Variants in HNMT observed in about 807,000 individuals in gnomAD.
The protein encoded by HNMT is histamine N-methyltransferase.
In HNMT, 30 loss-of-function variants were observed where a neutral mutation model predicts 32.1. The observed-to-expected ratio is 0.93, with a 90% CI of 0.70 to 1.27. The LOEUF (loss-of-function observed/expected upper bound fraction) is 1.27, where lower values mean the gene tolerates loss of function less well. Among genes scored for constraint, HNMT ranks in the 50% most tolerant of loss-of-function variants. The probability of loss-of-function intolerance (pLI) is 0.00; values close to 1 mark genes in which losing one functional copy is unlikely to be tolerated. For synonymous variants in HNMT, 125 were observed against 119.0 expected (o/e 1.05, Z -0.33); for missense variants, 327 against 346.0 (o/e 0.95, Z 0.43).
chr2:137,971,721 A>G (rs1027646777), intron 2 of HNMT, among the ~76,000 whole-genome samples: 2 of 152,174 alleles, frequency 1.3e-5, no homozygotes, highest in African/African-American at 4.8e-5. Flanking sequence ...GCTCCTGGAG[A>G]GTGAAGGCTA....
chr2:137,966,603 A>G (rs934812571), intron 1 of HNMT, among the ~76,000 whole-genome samples: 1 of 152,154 alleles, frequency 6.6e-6, no homozygotes, highest in Non-Finnish European at 1.5e-5. Context: ...TGTTCTCCCT[A>G]GAGTTGACTA....
intron 2 of HNMT, among the ~76,000 whole-genome samples, chr2:137,989,352 G>A (rs74393890): frequency 4.4e-4 from 67 of 152,174 alleles, no homozygotes; most frequent in African/African-American, 1.3e-3. Context: ...TATTGGCTCC[G>A]TTCAGATAGT....
intron 2 of HNMT, among the ~76,000 whole-genome samples, chr2:138,000,462 C>A (rs1681131905): frequency 7.2e-6 from 1 of 138,234 alleles, no homozygotes; most frequent in African/African-American, 2.9e-5. Context: ...TTTATTTAAT[C>A]TGACATTTTT....
chr2:137,968,509 T>C (rs1680027221), intron 1 of HNMT, among the ~76,000 whole-genome samples: 1 of 152,236 alleles, frequency 6.6e-6, no homozygotes, highest in Admixed American at 6.5e-5. Flanking sequence ...GAAACAGTTA[T>C]TAATAATCCT....
intron 1 of HNMT, among the ~76,000 whole-genome samples, chr2:137,966,619 T>A (rs892185312): frequency 1.3e-5 from 2 of 152,232 alleles, no homozygotes; most frequent in Non-Finnish European, 2.9e-5. Context: ...GACTATTGCC[T>A]TGATTTTGGT....
intron 1 of HNMT, among the ~76,000 whole-genome samples, chr2:137,966,784 G>A (rs1156269118): frequency 1.3e-5 from 2 of 151,990 alleles, no homozygotes; most frequent in African/African-American, 2.4e-5. Flanking sequence ...TTTCAGTTTA[G>A]GAAGATCTGC....
chr2:138,005,211 T>C lies in HNMT; in HGVS notation c.509T>C (p.Ile170Thr). 1 of 1,584,364 alleles carries C rather than the reference T, an allele frequency of 6.3e-7. No individual in the cohort carries two copies. The highest frequency in any genetic ancestry group is 8.7e-7 in the Non-Finnish European group (1 of 1,153,910). ...TTAGGTACCAATGCTAAGATGCTCA[T>C]TATTGTTGTGTCAGGTAAGTTATTT... ...SLLGTNAKML[I>T]IVVSGSSGWD... Residue 170 changes from isoleucine (I) to threonine (T), a missense_variant, in exon 5 of 6, where the codon ATT becomes ACT. Physicochemically the swap from Ile to Thr is moderately conservative, Grantham distance 89 (BLOSUM62 -1). Coordinates refer to ENST00000280097, the MANE Select transcript of HNMT (RefSeq NM_006895.3).
chr2:137,978,340 T>C lies in HNMT; in HGVS notation c.190+8123T>C, dbSNP rs141134289. ...AATATAATATTACATAATTATATAA[T>C]ATATGATTATATAATATAGTATTAT... On this transcript the variant is annotated intron_variant, in intron 2 of 5. Coordinates refer to ENST00000280097, the MANE Select transcript of HNMT (RefSeq NM_006895.3). Among the ~76,000 whole-genome samples, 1,206 of 146,746 alleles carry C rather than the reference T, an allele frequency of 8.2e-3. 20 individuals are homozygous for C. The highest frequency in any genetic ancestry group is 0.029 in the African/African-American group (1,163 of 40,336).
In HNMT at chr2:137,977,137, G is replaced by GA. The variant is rs1216745993; in HGVS notation, c.190+6927dup. Among the ~76,000 whole-genome samples, 7 of 152,064 alleles carry GA rather than the reference G, an allele frequency of 4.6e-5. 1 individual carries two copies. The highest frequency in any genetic ancestry group is 3.3e-4 in the Admixed American group (5 of 15,270). ...GCAATGGGCTTAAACAGGTAAAATAGAAAAAAAGCAGTATGTTAGGTTCTT... is the reference window on the plus strand; with the variant it reads ...GCAATGGGCTTAAACAGGTAAAATAGAAAAAAAAGCAGTATGTTAGGTTCTT... On this transcript the variant is annotated intron_variant, in intron 2 of 5. Coordinates refer to ENST00000280097, the MANE Select transcript of HNMT (RefSeq NM_006895.3).
At chr2:137,979,316 G>T (rs1271201972) in intron 2 of HNMT, among the ~76,000 whole-genome samples, 1 of 151,426 alleles carries the variant, frequency 6.6e-6, no homozygotes, top group Non-Finnish European at 1.5e-5. Flanking sequence ...TGTCGCCCAG[G>T]CTGGAGTGCA....
intron 2 of HNMT, among the ~76,000 whole-genome samples, chr2:138,000,597 C>A (rs953961241): frequency 2.0e-5 from 3 of 151,540 alleles, no homozygotes; most frequent in African/African-American, 7.3e-5. Context: ...TTGACAGTGG[C>A]TTTTTTCTAA....
At chr2:138,002,337 A>G (rs1681199627) in intron 4 of HNMT, 143 bp downstream of exon 4, 3 of 1,097,178 alleles carry the variant, frequency 2.7e-6, no homozygotes, top group Admixed American at 4.2e-5. Context: ...ATCTGCCCAA[A>G]TAAAAGGTAA....
chr2:138,008,731 G>C (rs923743496), intron 5 of HNMT, among the ~76,000 whole-genome samples: 4 of 151,952 alleles, frequency 2.6e-5, no homozygotes. Context: ...ATATGCAGAA[G>C]ACTGAAGCCA....
intron 2 of HNMT, among the ~76,000 whole-genome samples, chr2:137,970,939 AAGAAAGAAAGAAAG>A (rs1680113842): frequency 2.8e-4 from 2 of 7,202 alleles, no homozygotes; most frequent in African/African-American, 4.3e-4. Flanking sequence ...AAAAAAAAGA[AAGAAAGAAAGAAAG>A]AAAGAAAGAA....
intron 1 of HNMT, among the ~76,000 whole-genome samples, chr2:137,966,893 C>G (rs1445081152): frequency 2.6e-5 from 4 of 152,198 alleles, no homozygotes; most frequent in African/African-American, 9.6e-5. Flanking sequence ...ATATCTCATG[C>G]CTTTCTTTTC....
intron 5 of HNMT, among the ~76,000 whole-genome samples, chr2:138,008,653 C>G (rs1208177106): frequency 2.6e-5 from 4 of 151,930 alleles, no homozygotes. Context: ...TTTGACAAAG[C>G]TGACAAAAAC....
At chr2:138,012,018 T>G (rs898278344) in intron 5 of HNMT, among the ~76,000 whole-genome samples, 1 of 152,120 alleles carries the variant, frequency 6.6e-6, no homozygotes, top group Non-Finnish European at 1.5e-5. Context: ...TATGCATGTA[T>G]TAGAAGGCCC....
intron 2 of HNMT, among the ~76,000 whole-genome samples, chr2:137,973,783 G>T (rs1031027621): frequency 6.6e-6 from 1 of 151,954 alleles, no homozygotes. Flanking sequence ...TTTTTTTGGG[G>T]GGGGGTGGTC....
At chr2:138,011,576 A>G (rs1035035256) in intron 5 of HNMT, among the ~76,000 whole-genome samples, 1 of 152,126 alleles carries the variant, frequency 6.6e-6, no homozygotes, top group African/African-American at 2.4e-5. Context: ...ATGAGCGCCA[A>G]GGGTCTTTGA....
Sources: gnomAD v4.1 joint callset for allele counts (sites outside exome capture counted in the v4.1 genomes callset) on GRCh38, gnomAD v4.1.1 for gene constraint, MANE v1.5 for transcripts, NCBI Gene and HGNC (gene_info 2026-07-23, HGNC 2026-07-21) for gene names.